CPT1C: variants seen among roughly 807,000 people sequenced by gnomAD.
CPT1C encodes the protein palmitoyl thioesterase CPT1C.
In CPT1C, 61 loss-of-function variants were observed where a neutral mutation model predicts 97.3. The ratio of observed to expected loss-of-function variants is 0.63; its 90% CI spans 0.51 to 0.78. CPT1C has a LOEUF of 0.78. Among genes scored for constraint, CPT1C ranks in the 30% least tolerant of loss-of-function variants. The pLI, the probability that CPT1C is intolerant of heterozygous loss-of-function variation, is 0.00. For missense variants in CPT1C, 975 were observed against 1,065.5 expected (o/e 0.92, Z 1.18); for synonymous variants, 469 against 447.2 (o/e 1.05, Z -0.61).
Position 49,712,919 on chromosome 19 carries a change from G to C in CPT1C, c.2134-53G>C. The C allele has an allele frequency of 6.9e-6, 11 of 1,585,522 alleles. No individual in the cohort carries two copies. In the South Asian group the frequency reaches 1.2e-4, roughly 18 times the overall value. On this transcript the variant is annotated intron_variant, in intron 18 of 19. Coordinates refer to ENST00000598293, the MANE Select transcript of CPT1C (RefSeq NM_001199753.2). ...TGGGGGGCCTGCACTCCTGCATAGT[G>C]GGGGTGGAGGGGACCGGAGCTATTT...
chr19:49,708,507 G>A (rs771066238), intron 13 of CPT1C, among the ~76,000 whole-genome samples: 1 of 151,986 alleles, frequency 6.6e-6, no homozygotes, highest in South Asian at 2.1e-4. Flanking sequence ...GTCAAAAAAG[G>A]AAAAGAAAAT....
At chr19:49,693,219 A>G (rs542237982) in intron 3 of CPT1C, among the ~76,000 whole-genome samples, 2 of 152,194 alleles carry the variant, frequency 1.3e-5, no homozygotes, top group African/African-American at 4.8e-5. Flanking sequence ...CGCATGCCCA[A>G]TGTGTAACCA....
chr19:49,702,688 A>G (rs2083251456), intron 7 of CPT1C, among the ~76,000 whole-genome samples: 1 of 150,458 alleles, frequency 6.6e-6, no homozygotes, highest in Non-Finnish European at 1.5e-5. Context: ...GAGTGGTGGG[A>G]GAGGCCTGAA....
At chr19:49,707,454 A>G (rs2083567978) in intron 12 of CPT1C, 64 bp from the exon 13 acceptor site, 2 of 1,181,260 alleles carry the variant, frequency 1.7e-6, no homozygotes, top group Admixed American at 1.8e-5. Context: ...CAAGTCCCAC[A>G]GAAAGCACTC....
intron 3 of CPT1C, 93 bp downstream of exon 3, chr19:49,692,486 T>C (rs778537248): frequency 2.0e-6 from 3 of 1,475,762 alleles, no homozygotes; most frequent in Non-Finnish European, 1.8e-6. Flanking sequence ...AGCTGGTTCA[T>C]TTCTGGGAGA....
At chr19:49,694,098 ATAAAT>A in intron 3 of CPT1C, among the ~76,000 whole-genome samples, 1 of 112,068 alleles carries the variant, frequency 8.9e-6, no homozygotes, top group East Asian at 3.4e-4. Flanking sequence ...AAATAAATAA[ATAAAT>A]AAATAAATAA....
rs1034706672 is a variant in CPT1C, at chr19:49,713,350, C to T, written c.2227-70C>T. On this transcript the variant is annotated intron_variant, in intron 19 of 19. Coordinates refer to ENST00000598293, the MANE Select transcript of CPT1C (RefSeq NM_001199753.2). The stretch of plus-strand genomic sequence containing the variant: ...CAGACTCAGGAATCCAGGCCCTTAG[C>T]CCTCTTGTTTCTCAGCCTCCAGGAT... The T allele has an allele frequency of 4.1e-5, 57 of 1,403,374 alleles. No individual in the cohort carries two copies. The Middle Eastern group carries it at 1.2e-3, about 30-fold the overall frequency. The allele number at this position is 1,403,374 out of a possible 1,614,324, so 86.9% of individuals were successfully genotyped here. A position where few individuals can be genotyped will look rare whatever the true frequency, so the allele number is the denominator to read the frequency against.
rs141086554 is a variant in CPT1C at position 49,695,976 on chromosome 19, A to C, written c.142-1350A>C. 2.6e-5 allele frequency among the ~76,000 whole-genome samples: 4 copies of C among 152,022 alleles called. No homozygotes were observed. In the East Asian group the frequency reaches 5.8e-4, roughly 22 times the overall value. ...ACTGCAACCTCCATCTCCTGGGTTT[A>C]AGCAATTTTTCTGCCTTAGCCTCCT... On this transcript the variant is annotated intron_variant, in intron 3 of 19. Transcript: ENST00000598293.
intron 5 of CPT1C, 27 bp from the exon 6 acceptor site, chr19:49,701,290 A>G: frequency 3.1e-6 from 5 of 1,594,444 alleles, no homozygotes; most frequent in African/African-American, 1.3e-5. Context: ...GTGAGGGGTT[A>G]ATGACCCGGT....
At chr19:49,691,394 C>A (rs937397459) in intron 1 of CPT1C, 54 bp downstream of exon 1, 38 of 151,958 alleles carry the variant, frequency 2.5e-4, no homozygotes, top group Non-Finnish European at 4.6e-4. Flanking sequence ...AGTCCTGTGT[C>A]TAGGGTTGGG....
At chr19:49,699,084 CAGAG>C (rs1221353120) in intron 4 of CPT1C, among the ~76,000 whole-genome samples, 2 of 151,996 alleles carry the variant, frequency 1.3e-5, no homozygotes, top group Admixed American at 6.6e-5. Flanking sequence ...GCCTGGGCGA[CAGAG>C]AGAGACTCCG....
chr19:49,698,627 C>T (rs1005027512), intron 4 of CPT1C, among the ~76,000 whole-genome samples: 1 of 150,710 alleles, frequency 6.6e-6, no homozygotes, highest in South Asian at 2.1e-4. Context: ...TGTGCCACTG[C>T]ACTTCAGCCT....
At position 49,713,075 on chromosome 19, in the gene CPT1C, C is replaced by T. The variant is rs752712446; in HGVS notation, c.2226+11C>T. Reference sequence around the variant, plus strand: ...TCAAGCACAAAAACGGTGAGACAAACGTGTATACCCACCAACTCCCTCTTT... The same window carrying T: ...TCAAGCACAAAAACGGTGAGACAAATGTGTATACCCACCAACTCCCTCTTT... On this transcript the variant is annotated intron_variant, in intron 19 of 19. Transcript: ENST00000598293. 5.6e-6 allele frequency: 9 copies of T among 1,603,496 alleles called. No individual in the cohort carries two copies. In the East Asian group the frequency reaches 1.1e-4, roughly 20 times the overall value.
chr19:49,713,056 A>G lies in CPT1C; in HGVS notation c.2218A>G (p.Thr740Ala), dbSNP rs763273578. The stretch of plus-strand genomic sequence containing the variant: ...CCACATCTCCAGCAAAAAATCAAGC[A>G]CAAAAACGGTGAGACAAACGTGTAT... Reference protein sequence around the residue: ...TFHISSKKSSTKTDSHRLGQH... With the variant: ...TFHISSKKSSAKTDSHRLGQH... Residue 740 changes from threonine to alanine, a missense_variant, in exon 19 of 20, where the codon ACA (threonine) becomes GCA (alanine). Transcript: ENST00000598293. 7.4e-6 allele frequency: 12 copies of G among 1,613,640 alleles called. No individual in the cohort carries two copies. The highest frequency in any genetic ancestry group is 2.2e-5 in the East Asian group (1 of 44,878).
chr19:49,708,023 A>G (rs1274651366), intron 13 of CPT1C, among the ~76,000 whole-genome samples: 44 of 141,804 alleles, frequency 3.1e-4, no homozygotes, highest in Middle Eastern at 3.7e-3. Context: ...AAAAAAAAAA[A>G]AAAAGAAAAG....
intron 3 of CPT1C, among the ~76,000 whole-genome samples, chr19:49,693,733 G>A (rs183631689): frequency 1.3e-5 from 2 of 151,764 alleles, no homozygotes; most frequent in Admixed American, 6.6e-5. Context: ...ACACCAGCCT[G>A]GACAACATAG....
chr19:49,712,604 A>G, intron 17 of CPT1C, 132 bp from the exon 18 acceptor site: 2 of 672,462 alleles, frequency 3.0e-6, no homozygotes, highest in Non-Finnish European at 2.7e-6. Flanking sequence ...GGTCAGGAGA[A>G]GGGCGTGGTT....
chr19:49,701,476 C>G, intron 6 of CPT1C, 21 bp from the exon 7 acceptor site: 1 of 1,597,018 alleles, frequency 6.3e-7, no homozygotes, highest in Non-Finnish European at 8.6e-7. Flanking sequence ...GGGGCGTGAC[C>G]TGCCCTCTTC....
chr19:49,712,551 T>C (rs2083965103), intron 17 of CPT1C, 185 bp from the exon 18 acceptor site: 1 of 530,648 alleles, frequency 1.9e-6, no homozygotes, highest in South Asian at 2.6e-5. Context: ...GGGACGTGGG[T>C]GTGGGTGGTG....
Sources: allele counts gnomAD v4.1 joint callset (sites outside exome capture counted in the v4.1 genomes callset), GRCh38; gene constraint gnomAD v4.1.1; transcripts MANE v1.5; gene names NCBI Gene and HGNC (gene_info 2026-07-23, HGNC 2026-07-21).